The following GRIK2 variants were observed in gnomAD, a reference collection of about 807,000 sequenced individuals.
The protein encoded by GRIK2 is glutamate receptor ionotropic, kainate 2.
A neutral mutation model predicts 100.3 loss-of-function variants in GRIK2; 32 were observed. The ratio of observed to expected loss-of-function variants is 0.32; its 90% CI spans 0.24 to 0.43. GRIK2 has a LOEUF of 0.43. Among genes scored for constraint, GRIK2 ranks in the 20% least tolerant of loss-of-function variants. The pLI, the probability that GRIK2 is intolerant of heterozygous loss-of-function variation, is 1.00. For synonymous variants in GRIK2, 417 were observed against 389.4 expected (o/e 1.07, Z -0.83); for missense variants, 843 against 1,114.9 (o/e 0.76, Z 3.47).
chr6:101,668,636 A>G (rs1028851425), intron 4 of GRIK2, among the ~76,000 whole-genome samples: 5 of 152,174 alleles, frequency 3.3e-5, no homozygotes, highest in Non-Finnish European at 7.4e-5. Flanking sequence ...TTATAATACA[A>G]TGCATTTTGG....
chr6:101,528,843 T>C (rs1477781778), intron 2 of GRIK2, among the ~76,000 whole-genome samples: 1 of 152,156 alleles, frequency 6.6e-6, no homozygotes. Flanking sequence ...CAGTACATGA[T>C]GATACTACAG....
chr6:101,717,452 G>A lies in GRIK2; in HGVS notation c.951+31099G>A, dbSNP rs560938817. On this transcript the variant is annotated intron_variant, in intron 7 of 16. Coordinates refer to ENST00000369134, the MANE Select transcript of GRIK2 (RefSeq NM_021956.5). The stretch of plus-strand genomic sequence containing the variant: ...CAAGCCTAAACTACTAATTTTTGTT[G>A]TATCTAGAATTTACAGGACATTCTC... Among the ~76,000 whole-genome samples the A allele has an allele frequency of 1.2e-3, 176 of 151,832 alleles. 1 individual carries two copies. The highest frequency in any genetic ancestry group is 4.1e-3 in the African/African-American group (171 of 41,498).
chr6:101,489,942 A>G (rs1773017160), intron 2 of GRIK2, among the ~76,000 whole-genome samples: 2 of 147,034 alleles, frequency 1.4e-5, no homozygotes, highest in East Asian at 1.9e-4. Flanking sequence ...ACATTTTAGT[A>G]TAATTATCAG....
chr6:101,510,525 T>G (rs1358755063), intron 2 of GRIK2, among the ~76,000 whole-genome samples: 3 of 140,578 alleles, frequency 2.1e-5, no homozygotes, highest in East Asian at 2.1e-4. Context: ...TTTTTTTTTT[T>G]TTTTTTTTTT....
intron 4 of GRIK2, among the ~76,000 whole-genome samples, chr6:101,628,637 G>A (rs147652591): frequency 7.4e-4 from 113 of 152,014 alleles, no homozygotes; most frequent in African/African-American, 2.7e-3. Flanking sequence ...GTTTATGGAT[G>A]GTCATCTACA....
chr6:102,027,739 A>G (rs1042322917), intron 14 of GRIK2, among the ~76,000 whole-genome samples: 8 of 151,254 alleles, frequency 5.3e-5, no homozygotes, highest in Non-Finnish European at 1.2e-4. Context: ...AGGTTCATAA[A>G]AGCAAGTTCA....
At chr6:101,571,261 A>G (rs940505211) in intron 2 of GRIK2, among the ~76,000 whole-genome samples, 1 of 152,180 alleles carries the variant, frequency 6.6e-6, no homozygotes, top group Admixed American at 6.6e-5. Context: ...TGCTGCACCC[A>G]TCACCCCAAC....
chr6:101,964,063 G>GA (rs5878705), intron 14 of GRIK2, among the ~76,000 whole-genome samples: 23,337 of 150,442 alleles, frequency 0.16, 5,237 homozygotes, highest in African/African-American at 0.5. Flanking sequence ...TGTGTTTCTT[G>GA]AAAAAAAATA....
intron 16 of GRIK2, among the ~76,000 whole-genome samples, chr6:102,060,354 A>T (rs1472908898): frequency 6.6e-6 from 1 of 150,804 alleles, no homozygotes; most frequent in Non-Finnish European, 1.5e-5. Flanking sequence ...TGAACAAAAC[A>T]TTTCAATTTG....
At chr6:102,065,844 G>A in intron 16 of GRIK2, 1 of 1,496,066 alleles carries the variant, frequency 6.7e-7, no homozygotes, top group Admixed American at 2.3e-5. Flanking sequence ...TCCCTATTTT[G>A]GAGTCAGTTT....
Position 101,707,246 on chromosome 6 carries a change from A to C in GRIK2, c.951+20893A>C, listed in dbSNP as rs532886184. 2.6e-5 allele frequency among the ~76,000 whole-genome samples: 4 copies of C among 151,732 alleles called. No individual in the cohort carries two copies. In the Admixed American group the frequency reaches 2.6e-4, roughly 10 times the overall value. On this transcript the variant is annotated intron_variant, in intron 7 of 16. Coordinates refer to ENST00000369134, the MANE Select transcript of GRIK2 (RefSeq NM_021956.5). ...CATAATGCTGTTAAGAAACAAATTC[A>C]TAAATGTAAGATAGTTATTGCATTT...
At chr6:101,497,720 A>G (rs1274399121) in intron 2 of GRIK2, among the ~76,000 whole-genome samples, 2 of 152,164 alleles carry the variant, frequency 1.3e-5, no homozygotes, top group African/African-American at 4.8e-5. Context: ...GGTAATTTAA[A>G]GTTAACTTTT....
At chr6:101,636,890 C>A (rs1341674084) in intron 4 of GRIK2, among the ~76,000 whole-genome samples, 1 of 152,120 alleles carries the variant, frequency 6.6e-6, no homozygotes, top group African/African-American at 2.4e-5. Context: ...CCCCCTACAG[C>A]CTTTCCTTGT....
At chr6:101,782,716 C>A (rs112410125) in intron 7 of GRIK2, among the ~76,000 whole-genome samples, 5,033 of 152,160 alleles carry the variant, frequency 0.033, 195 homozygotes, top group African/African-American at 0.093. Context: ...CCTTTGGATA[C>A]ATACCCAGTA....
chr6:101,811,123 T>A (rs1781301763), intron 9 of GRIK2, among the ~76,000 whole-genome samples: 1 of 152,094 alleles, frequency 6.6e-6, no homozygotes, highest in Non-Finnish European at 1.5e-5. Context: ...ACTTTGTAGG[T>A]CATATGGTTG....
At chr6:101,748,099 G>C (rs1776540214) in intron 7 of GRIK2, among the ~76,000 whole-genome samples, 1 of 152,084 alleles carries the variant, frequency 6.6e-6, no homozygotes, top group Admixed American at 6.6e-5. Context: ...TAAAACAAGG[G>C]GCAATCTTGG....
chr6:101,447,156 A>G (rs1404450449), intron 2 of GRIK2, among the ~76,000 whole-genome samples: 4 of 151,398 alleles, frequency 2.6e-5, no homozygotes, highest in African/African-American at 9.7e-5. Context: ...CTAAAGCATT[A>G]ATATCTCATT....
intron 7 of GRIK2, among the ~76,000 whole-genome samples, chr6:101,702,070 A>G (rs569203366): frequency 2.1e-4 from 3 of 14,582 alleles, no homozygotes; most frequent in South Asian, 3.7e-3. Context: ...TTATTTTTCT[A>G]TAACCAGTTT....
In GRIK2 at chr6:101,963,278, A is replaced by ATTTTTTTTTTTTTTTTTT. The variant is rs3029099; in HGVS notation, c.2085+34666_2085+34683dup. ...TATTTCATATTTATACTTATTTAGG[A>ATTTTTTTTTTTTTTTTTT]TTTTTTTTTTTTTTTTTTTTTTTTT... is the stretch of plus-strand genomic sequence containing the variant. On this transcript the variant is annotated intron_variant, in intron 14 of 16. Transcript: ENST00000369134. 4.0e-4 allele frequency among the ~76,000 whole-genome samples: 11 copies of ATTTTTTTTTTTTTTTTTT among 27,844 alleles called. 5 individuals are homozygous for ATTTTTTTTTTTTTTTTTT. The highest frequency in any genetic ancestry group is 5.7e-4 in the Non-Finnish European group (8 of 14,018). 18.3% of individuals were successfully genotyped at this position (27,844 alleles called of 152,430 possible). A position where few individuals can be genotyped will look rare whatever the true frequency, so the allele number is the denominator to read the frequency against.
Sources: gnomAD v4.1 joint callset for allele counts (sites outside exome capture counted in the v4.1 genomes callset) on GRCh38, gnomAD v4.1.1 for gene constraint, MANE v1.5 for transcripts, NCBI Gene and HGNC (gene_info 2026-07-23, HGNC 2026-07-21) for gene names.